SETD2: variants seen among roughly 807,000 people sequenced by gnomAD.
The protein encoded by SETD2 is histone-lysine N-methyltransferase SETD2.
SETD2 carries 31 observed loss-of-function variants against 242.1 expected under a neutral mutation model. That is an observed-to-expected ratio of 0.13 (90% CI 0.10 to 0.17). The LOEUF (loss-of-function observed/expected upper bound fraction) is 0.17. Among genes scored for constraint, SETD2 ranks in the 10% least tolerant of loss-of-function variants. SETD2 has a pLI of 1.00. For synonymous variants in SETD2, 1,006 were observed against 1,066.5 expected (o/e 0.94, Z 1.11); for missense variants, 2,481 against 3,046.3 (o/e 0.81, Z 4.37).
Position 47,084,285 on chromosome 3 carries a change from G to C in SETD2, c.5495C>G (p.Thr1832Ser), listed in dbSNP as rs1011940072. 1 of 1,614,022 alleles carries C rather than the reference G, an allele frequency of 6.2e-7. No homozygotes were observed. The highest frequency in any genetic ancestry group is 8.5e-7 in the Non-Finnish European group (1 of 1,179,964). The change falls in exon 12 of 21, where the codon ACT becomes AGT. Residue 1832 changes from threonine (T) to serine (S), a missense_variant. Transcript: ENST00000409792. ...TCCTTCACTCAACGGAGGGACAGCA[G>C]TCTTAGTCTGAGACCAGCGTTGAAT... ...PIIQRWSQTK[T>S]AVPPLSEGDG...
chr3:47,064,123 T>A (rs929683829), intron 13 of SETD2, among the ~76,000 whole-genome samples: 3 of 152,120 alleles, frequency 2.0e-5, no homozygotes, highest in African/African-American at 7.2e-5. Context: ...CAAGGAAGAG[T>A]CTCAATAAAC....
intron 18 of SETD2, among the ~76,000 whole-genome samples, chr3:47,025,229 T>G (rs2038419605): frequency 6.6e-6 from 1 of 152,134 alleles, no homozygotes; most frequent in African/African-American, 2.4e-5. Flanking sequence ...CCACCCAAGC[T>G]AAGAATGAGG....
Position 47,056,903 on chromosome 3 carries a change from G to A in SETD2, c.6881C>T (p.Thr2294Ile). ...ACATGTCTGTCCTTGATAATATATG[G>A]TTGCTTGAGACTGTGCAGGAGAGTA... ...QQYSPAQSQA[T>I]IYYQGQTCPT... is the part of the protein sequence containing the mutation. The change falls in exon 15 of 21, where the codon ACC (threonine) becomes ATC (isoleucine). Residue 2294 changes from threonine to isoleucine, a missense_variant. By Grantham distance (89) the Thr-to-Ile change is moderately conservative. Coordinates refer to ENST00000409792, the MANE Select transcript of SETD2 (RefSeq NM_014159.7). The A allele has an allele frequency of 3.1e-6, 5 of 1,614,206 alleles. No homozygotes were observed. Among genetic ancestry groups the A allele is most frequent in the East Asian group, 2.2e-5 (1 of 44,892 alleles).
chr3:47,045,730 T>C (rs1317345270), intron 16 of SETD2, among the ~76,000 whole-genome samples: 8 of 145,316 alleles, frequency 5.5e-5, no homozygotes, highest in Middle Eastern at 3.5e-3. Flanking sequence ...TAGTAAAATA[T>C]AAAAATACAA....
rs2106704376 is a variant in SETD2 at position 47,123,459 on chromosome 3, G to A, written c.1177C>T (p.Arg393Ter). 6.4e-7 allele frequency: 1 copy of A among 1,551,268 alleles called. No individual in the cohort carries two copies. Among genetic ancestry groups the A allele is most frequent in the Non-Finnish European group, 8.7e-7 (1 of 1,146,820 alleles). Reference protein sequence around the residue: ...LERDTRYVSSRCRSERERRRS... With the variant: ...LERDTRYVSS ...CGTCGCTCTCTTTCTGATCTACATC[G>A]GGAAGATACATACCGAGTATCTCTT... Residue 393 changes from arginine (R) to a stop codon, truncating the protein, a stop_gained, in exon 3 of 21, where the codon CGA (arginine) becomes TGA (stop). Coordinates refer to ENST00000409792, the MANE Select transcript of SETD2 (RefSeq NM_014159.7). LOFTEE classifies it high-confidence loss of function.
intron 1 of SETD2, among the ~76,000 whole-genome samples, chr3:47,148,767 A>G (rs946728413): frequency 2.0e-5 from 3 of 152,216 alleles, no homozygotes; most frequent in Non-Finnish European, 2.9e-5. Context: ...TTTCTTTTTT[A>G]AAAGTGGCCA....
intron 1 of SETD2, among the ~76,000 whole-genome samples, chr3:47,128,909 A>G (rs2043412939): frequency 6.6e-6 from 1 of 152,238 alleles, no homozygotes; most frequent in Non-Finnish European, 1.5e-5. Context: ...GACAGAAGGT[A>G]CCAGGAGATG....
intron 15 of SETD2, among the ~76,000 whole-genome samples, chr3:47,050,494 C>T (rs1474796230): frequency 6.6e-6 from 1 of 152,068 alleles, no homozygotes; most frequent in African/African-American, 2.4e-5. Context: ...TTTCTGATTT[C>T]CCTAATCAGA....
At chr3:47,043,539 C>A (rs1029356201) in intron 16 of SETD2, among the ~76,000 whole-genome samples, 45 of 152,158 alleles carry the variant, frequency 3.0e-4, no homozygotes, top group Middle Eastern at 3.2e-3. Flanking sequence ...TTACCGCAGC[C>A]CTAGCAGACT....
chr3:47,027,782 G>T (rs996130715), intron 18 of SETD2, among the ~76,000 whole-genome samples: 7 of 125,752 alleles, frequency 5.6e-5, no homozygotes, highest in African/African-American at 1.9e-4. Flanking sequence ...GCTGCTGCTG[G>T]TTTTTTTTTT....
At chr3:47,021,992 C>T (rs923128680) in intron 18 of SETD2, among the ~76,000 whole-genome samples, 1 of 151,884 alleles carries the variant, frequency 6.6e-6, no homozygotes, top group Non-Finnish European at 1.5e-5. Context: ...ACTAAAAATA[C>T]AAAAATTAGC....
At chr3:47,120,140 AAAAG>A in intron 3 of SETD2, 38 bp downstream of exon 3, 1 of 1,427,154 alleles carries the variant, frequency 7.0e-7, no homozygotes, top group Non-Finnish European at 9.4e-7. Flanking sequence ...TAACAACAAA[AAAAG>A]AGTTAAAATT....
At chr3:47,130,160 G>C (rs1354439282) in intron 1 of SETD2, among the ~76,000 whole-genome samples, 3 of 152,172 alleles carry the variant, frequency 2.0e-5, no homozygotes, top group Non-Finnish European at 4.4e-5. Flanking sequence ...CGGGACAAGA[G>C]GGGTAGAAGG....
chr3:47,058,398 G>A (rs947124993), intron 14 of SETD2, among the ~76,000 whole-genome samples: 2 of 118,406 alleles, frequency 1.7e-5, no homozygotes, highest in Non-Finnish European at 3.2e-5. Context: ...CTGAGACTAC[G>A]CCACTGCACT....
rs2106686394 is a variant in SETD2 at position 47,122,749 on chromosome 3, C to T, written c.1887G>A (p.Lys629=). ...ACTTAAAAATAGGCAATTCATCTAG[C>T]TTTTTTAAAGTAGGTGAATCATTTA... The part of the protein sequence containing the change: ...NRLNDSPTLK[K]LDELPIFKSE... Residue 629 remains lysine, a synonymous_variant, in exon 3 of 21, where the codon AAG becomes AAA. Coordinates refer to ENST00000409792, the MANE Select transcript of SETD2 (RefSeq NM_014159.7). 6.2e-7 allele frequency: 1 copy of T among 1,610,750 alleles called. No individual in the cohort carries two copies. Among genetic ancestry groups the T allele is most frequent in the East Asian group, 2.2e-5 (1 of 44,852 alleles).
chr3:47,107,730 TGGGG>T (rs1217074463), intron 5 of SETD2, among the ~76,000 whole-genome samples: 46 of 28,996 alleles, frequency 1.6e-3, no homozygotes, highest in Non-Finnish European at 5.9e-3. Flanking sequence ...CGGGGGGGGG[TGGGG>T]GGGGGGTGGC....
intron 1 of SETD2, among the ~76,000 whole-genome samples, chr3:47,148,134 GTTGTT>G (rs2043904385): frequency 1.4e-5 from 2 of 147,950 alleles, no homozygotes; most frequent in Non-Finnish European, 1.5e-5. Context: ...TGTTGTTGTT[GTTGTT>G]GTTGTTTTTG....
At chr3:47,074,371 G>A (rs1559691931) in intron 12 of SETD2, among the ~76,000 whole-genome samples, 2 of 152,152 alleles carry the variant, frequency 1.3e-5, no homozygotes, top group Admixed American at 6.5e-5. Context: ...TGCCTCATGT[G>A]CAGAAATAGC....
chr3:47,041,507 T>C, intron 17 of SETD2: 1 of 251,540 alleles, frequency 4.0e-6, no homozygotes, highest in East Asian at 1.2e-4. Context: ...AAAAAAAAAA[T>C]TTTAAAGAAA....
Sources: allele counts gnomAD v4.1 joint callset (sites outside exome capture counted in the v4.1 genomes callset), GRCh38; gene constraint gnomAD v4.1.1; transcripts MANE v1.5; gene names NCBI Gene and HGNC (gene_info 2026-07-23, HGNC 2026-07-21).